Variants in CEP41 observed in about 807,000 individuals in gnomAD.
CEP41 encodes centrosomal protein of 41 kDa.
A neutral mutation model predicts 44.3 loss-of-function variants in CEP41; 32 were observed. The observed-to-expected ratio is 0.72, with a 90% CI of 0.54 to 0.97. The LOEUF is 0.97. CEP41 is among the 50% of genes least tolerant of loss of function. The pLI, the probability that CEP41 is intolerant of heterozygous loss-of-function variation, is 0.00. For synonymous variants in CEP41, 151 were observed against 168.5 expected (o/e 0.90, Z 0.80); for missense variants, 432 against 455.2 (o/e 0.95, Z 0.46).
intron 3 of CEP41, among the ~76,000 whole-genome samples, chr7:130,416,213 A>C (rs892711024): frequency 5.3e-5 from 8 of 152,236 alleles, no homozygotes; most frequent in African/African-American, 1.9e-4. Flanking sequence ...ATCCCCTAGC[A>C]CTGGGTTCTC....
intron 8 of CEP41, 92 bp from the exon 9 acceptor site, chr7:130,400,913 G>A (rs552328586): frequency 2.0e-5 from 17 of 831,992 alleles, no homozygotes; most frequent in African/African-American, 1.2e-4. Flanking sequence ...AGGTCCACCT[G>A]TCTGAGTTCC....
In CEP41 at chr7:130,428,346, C is replaced by G. The variant is rs548310225; in HGVS notation, c.34-328G>C. On this transcript the variant is annotated intron_variant, in intron 1 of 10. Transcript: ENST00000223208. ...GGCCGAGGCAGGAGAATCGCTTGATCCCGGGAGGCAGAGGCTCCAGCGAGG... is the reference window on the plus strand; with the variant it reads ...GGCCGAGGCAGGAGAATCGCTTGATGCCGGGAGGCAGAGGCTCCAGCGAGG... Among the ~76,000 whole-genome samples the G allele has an allele frequency of 6.7e-5, 10 of 150,012 alleles. 1 individual carries two copies. In the South Asian group the frequency reaches 2.1e-3, roughly 32 times the overall value.
intron 2 of CEP41, among the ~76,000 whole-genome samples, chr7:130,426,148 G>A (rs1464531068): frequency 2.0e-5 from 3 of 152,074 alleles, no homozygotes; most frequent in Non-Finnish European, 2.9e-5. Context: ...TGGGAAACTG[G>A]GTAAAGCGTA....
At position 130,400,130 on chromosome 7, in the gene CEP41, T is replaced by TCTC; in HGVS notation, c.881_882insGAG (p.Leu294_Pro295insArg). The TCTC allele has an allele frequency of 6.2e-7, 1 of 1,613,736 alleles. No homozygotes were observed. The highest frequency in any genetic ancestry group is 8.5e-7 in the Non-Finnish European group (1 of 1,179,798). ...TAAATCTCCATTTATTCTCAGCTGGTAGGGGTGGCCCTTTGGGGCTGGATC... is the reference window on the plus strand; with the variant it reads ...TAAATCTCCATTTATTCTCAGCTGGTCTCAGGGGTGGCCCTTTGGGGCTGGATC... On this transcript the variant is annotated inframe_insertion, in exon 10 of 11. Transcript: ENST00000223208.
chr7:130,401,666 C>T (rs572357434), intron 8 of CEP41, among the ~76,000 whole-genome samples: 1 of 152,266 alleles, frequency 6.6e-6, no homozygotes, highest in Admixed American at 6.5e-5. Flanking sequence ...TAACTCTTAA[C>T]CTAGTGTTTT....
At chr7:130,437,765 A>G (rs1798011443) in intron 1 of CEP41, among the ~76,000 whole-genome samples, 1 of 101,686 alleles carries the variant, frequency 9.8e-6, no homozygotes, top group Admixed American at 9.8e-5. Context: ...AGACTGTCTC[A>G]AAAAAAAAAA....
intron 1 of CEP41, among the ~76,000 whole-genome samples, chr7:130,439,857 C>T (rs1383510735): frequency 1.3e-5 from 2 of 152,164 alleles, no homozygotes; most frequent in East Asian, 1.9e-4. Context: ...CGGGATGATG[C>T]TTCACCTGGC....
chr7:130,417,211 A>T, intron 2 of CEP41: 4 of 1,317,652 alleles, frequency 3.0e-6, no homozygotes, highest in Non-Finnish European at 3.9e-6. Flanking sequence ...CCCCCAAAAC[A>T]TTGACAAGTT....
At chr7:130,407,678 A>G (rs1797055862) in intron 5 of CEP41, among the ~76,000 whole-genome samples, 1 of 152,210 alleles carries the variant, frequency 6.6e-6, no homozygotes, top group Admixed American at 6.5e-5. Flanking sequence ...CTCGTGTCAT[A>G]TATCAAAATA....
In CEP41 at chr7:130,411,130, C is replaced by CA; in HGVS notation, c.268_269insT (p.Arg90MetfsTer6). ...CCCTCAATTCTCATTACCTTCCAGCCTTTGAATCTCCTCAGCTGTCACTTC... is the reference window on the plus strand; with the variant it reads ...CCCTCAATTCTCATTACCTTCCAGCCATTTGAATCTCCTCAGCTGTCACTTC... On this transcript the variant is annotated frameshift_variant, in exon 5 of 11. Coordinates refer to ENST00000223208, the MANE Select transcript of CEP41 (RefSeq NM_018718.3). LOFTEE classifies it high-confidence loss of function. The CA allele has an allele frequency of 6.2e-7, 1 of 1,614,006 alleles. No homozygotes were observed. The highest frequency in any genetic ancestry group is 8.5e-7 in the Non-Finnish European group (1 of 1,179,872).
rs782680275 is a variant in CEP41, at chr7:130,441,002, T to G, written c.-36A>C. 1 of 1,610,858 alleles carries G rather than the reference T, an allele frequency of 6.2e-7. No homozygotes were observed. Among genetic ancestry groups the G allele is most frequent in the South Asian group, 1.1e-5 (1 of 91,060 alleles). On this transcript the variant is annotated 5_prime_UTR_variant, in exon 1 of 11. Coordinates refer to ENST00000223208, the MANE Select transcript of CEP41 (RefSeq NM_018718.3). The stretch of plus-strand genomic sequence containing the variant: ...ACCGACCACGTTCGGGGTTCTAGCC[T>G]CACGGGTTGCCTCTAACCCTAGCTT...
In CEP41 at chr7:130,438,363, A is replaced by G. The variant is rs1382188067; in HGVS notation, c.33+2571T>C. On this transcript the variant is annotated intron_variant, in intron 1 of 10. Coordinates refer to ENST00000223208, the MANE Select transcript of CEP41 (RefSeq NM_018718.3). ...GCTTTGAGCTCAAAAGTTTGAGACC[A>G]GACTGGGCAACATGGTAAAACCGCA... Among the ~76,000 whole-genome samples, 9 of 152,288 alleles carry G rather than the reference A, an allele frequency of 5.9e-5. No individual in the cohort carries two copies. In the South Asian group the frequency reaches 1.9e-3, roughly 32 times the overall value.
chr7:130,429,923 G>C (rs1554424702), intron 1 of CEP41, among the ~76,000 whole-genome samples: 1 of 152,184 alleles, frequency 6.6e-6, no homozygotes, highest in Non-Finnish European at 1.5e-5. Context: ...CAGTCAATAA[G>C]TGAATACCGA....
Position 130,396,469 on chromosome 7 carries a change from A to G in CEP41, c.*2422T>C, listed in dbSNP as rs1554414570. The stretch of plus-strand genomic sequence containing the variant: ...ACACCAGTCTCCTGTGGCTCCCCCA[A>G]ATCATCTCGACAGAAAAGAAGAGAG... On this transcript the variant is annotated 3_prime_UTR_variant, in exon 11 of 11. Transcript: ENST00000223208. 4.4e-6 allele frequency: 2 copies of G among 454,398 alleles called. No homozygotes were observed. Among genetic ancestry groups the G allele is most frequent in the East Asian group, 1.4e-4 (2 of 14,412 alleles). 28.1% of individuals were successfully genotyped at this position (454,398 alleles called of 1,614,324 possible). A position where few individuals can be genotyped will look rare whatever the true frequency, so the allele number is the denominator to read the frequency against.
At chr7:130,420,715 T>A (rs1797480933) in intron 2 of CEP41, 1 of 203,564 alleles carries the variant, frequency 4.9e-6, no homozygotes, top group Non-Finnish European at 8.7e-6. Flanking sequence ...GAGGTTGCAG[T>A]GAGCCAAGAT....
intron 10 of CEP41, 52 bp downstream of exon 10, chr7:130,399,987 G>T: frequency 8.7e-7 from 1 of 1,145,220 alleles, no homozygotes; most frequent in South Asian, 1.2e-5. Flanking sequence ...ATGATGAGGT[G>T]ATATTCAAAG....
chr7:130,414,505 C>G (rs1212213270), intron 3 of CEP41, among the ~76,000 whole-genome samples: 1 of 152,180 alleles, frequency 6.6e-6, no homozygotes, highest in African/African-American at 2.4e-5. Context: ...GGTATGGTTA[C>G]AAGGTTTAAA....
At position 130,395,731 on chromosome 7, in the gene CEP41, T is replaced by C; in HGVS notation, c.*3160A>G. ...GTTTTGTTCTGTTTTCTTGGTCGAG[T>C]AGCCTAAAGTCTTAAGAATTTTTGT... On this transcript the variant is annotated 3_prime_UTR_variant, in exon 11 of 11. Coordinates refer to ENST00000223208, the MANE Select transcript of CEP41 (RefSeq NM_018718.3). The C allele has an allele frequency of 4.4e-6, 2 of 453,858 alleles. No homozygotes were observed. Among genetic ancestry groups the C allele is most frequent in the Non-Finnish European group, 8.8e-6 (2 of 226,740 alleles). 28.1% of individuals were successfully genotyped at this position (453,858 alleles called of 1,614,324 possible).
chr7:130,440,567 G>A, intron 1 of CEP41: 2 of 452,846 alleles, frequency 4.4e-6, no homozygotes, highest in Non-Finnish European at 8.1e-6. Flanking sequence ...AATCAGAGAT[G>A]CTGGCTGGCT....
Sources: gnomAD v4.1 joint callset for allele counts (sites outside exome capture counted in the v4.1 genomes callset) on GRCh38, gnomAD v4.1.1 for gene constraint, MANE v1.5 for transcripts, NCBI Gene and HGNC (gene_info 2026-07-23, HGNC 2026-07-21) for gene names.